The following PTBP3 variants were observed in gnomAD, a reference collection of about 807,000 sequenced individuals.
PTBP3 encodes polypyrimidine tract-binding protein 3.
In PTBP3, 20 loss-of-function variants were observed where a neutral mutation model predicts 58.7. The observed-to-expected ratio is 0.34, with a 90% CI of 0.24 to 0.50. The LOEUF is 0.50. Ranked by LOEUF, PTBP3 falls within the 20% of genes least tolerant of loss-of-function variation. PTBP3 has a pLI of 0.98. For missense variants in PTBP3, 509 were observed against 637.2 expected, an observed-to-expected ratio of 0.80 and a Z score of 2.17; for synonymous variants, 185 against 219.8, an observed-to-expected ratio of 0.84 and a Z score of 1.40.
the PTBP3 span, among the ~76,000 whole-genome samples, chr9:112,378,244 C>T: frequency 6.6e-6 from 1 of 152,204 alleles, no homozygotes; most frequent in Admixed American, 6.5e-5. Context: ...TGGATTTAAA[C>T]TTGCTTGGTA....
intron 1 of PTBP3, among the ~76,000 whole-genome samples, chr9:112,315,583 G>A (rs1311312425): frequency 1.3e-5 from 2 of 151,984 alleles, no homozygotes; most frequent in Non-Finnish European, 2.9e-5. Flanking sequence ...GTGACAAGGT[G>A]AAATCCTGTC....
the PTBP3 span, among the ~76,000 whole-genome samples, chr9:112,345,855 CT>C: frequency 2.4e-4 from 36 of 147,162 alleles, no homozygotes; most frequent in Admixed American, 4.1e-4. Flanking sequence ...GACAAATTTT[CT>C]TTTTTTTTTT....
chr9:112,231,983 A>AGAG lies in PTBP3; in HGVS notation c.1020+113_1020+115dup, dbSNP rs1835242105. ...AGAAGAGAAGAGAGAAGAGAAGAGA[A>AGAG]GAGAAGAGAAGAGAAGAGAAGAGAA... On this transcript the variant is annotated intron_variant, in intron 9 of 13. Transcript: ENST00000374257. The AGAG allele has an allele frequency of 1.0e-4, 47 of 460,402 alleles. 1 individual carries two copies. In the South Asian group the frequency reaches 1.1e-3, roughly 11 times the overall value. The allele number at this position is 460,402 out of a possible 1,614,324, so 28.5% of individuals were successfully genotyped here. A position where few individuals can be genotyped will look rare whatever the true frequency, so the allele number is the denominator to read the frequency against.
At chr9:112,287,410 G>A (rs1234314377) in intron 2 of PTBP3, among the ~76,000 whole-genome samples, 1 of 142,504 alleles carries the variant, frequency 7.0e-6, no homozygotes, top group African/African-American at 2.6e-5. Context: ...TACGATCTCG[G>A]CTCACTGCAA....
chr9:112,297,003 G>GGAT (rs1009887889), intron 2 of PTBP3, among the ~76,000 whole-genome samples: 2 of 151,940 alleles, frequency 1.3e-5, no homozygotes, highest in African/African-American at 4.8e-5. Context: ...TCCAAATAAA[G>GGAT]GATAATAATA....
chr9:112,243,920 CATAA>C (rs757897933), intron 7 of PTBP3, among the ~76,000 whole-genome samples: 23 of 152,224 alleles, frequency 1.5e-4, no homozygotes, highest in Admixed American at 7.8e-4. Context: ...TTACACAGCT[CATAA>C]ATAATAGGTC....
chr9:112,297,753 A>G (rs1828751150), intron 2 of PTBP3, 79 bp downstream of exon 2: 1 of 1,204,126 alleles, frequency 8.3e-7, no homozygotes, highest in Non-Finnish European at 1.2e-6. Context: ...TCAACATGAT[A>G]TAAGCAAAAT....
intron 1 of PTBP3, among the ~76,000 whole-genome samples, chr9:112,322,402 G>C (rs1161182591): frequency 6.6e-6 from 1 of 152,128 alleles, no homozygotes; most frequent in South Asian, 2.1e-4. Context: ...ACAGACACAG[G>C]CCTGGGGAAC....
chr9:112,230,467 GA>G (rs1216619341), intron 10 of PTBP3, among the ~76,000 whole-genome samples: 1 of 151,956 alleles, frequency 6.6e-6, no homozygotes, highest in African/African-American at 2.4e-5. Flanking sequence ...GATTTACGGG[GA>G]AAAAATCTAA....
At chr9:112,239,018 C>G (rs1835540393) in intron 7 of PTBP3, among the ~76,000 whole-genome samples, 1 of 151,908 alleles carries the variant, frequency 6.6e-6, no homozygotes, top group South Asian at 2.1e-4. Context: ...TTGTACAAAA[C>G]AATAATAACA....
At chr9:112,231,268 A>G in intron 10 of PTBP3, 112 bp downstream of exon 10, 2 of 749,176 alleles carry the variant, frequency 2.7e-6, no homozygotes, top group South Asian at 2.5e-5. Flanking sequence ...TTTTATCCTC[A>G]GTGTCAGCAC....
intron 2 of PTBP3, among the ~76,000 whole-genome samples, chr9:112,286,342 T>G (rs1828112850): frequency 6.6e-6 from 1 of 152,218 alleles, no homozygotes; most frequent in Non-Finnish European, 1.5e-5. Context: ...CTTGTCATTT[T>G]TTTTCTATTT....
At chr9:112,248,964 A>G (rs1043964718) in intron 7 of PTBP3, among the ~76,000 whole-genome samples, 3 of 152,250 alleles carry the variant, frequency 2.0e-5, no homozygotes, top group African/African-American at 4.8e-5. Context: ...ATGTATGAAT[A>G]TGGATGAATC....
chr9:112,338,934 C>T, the PTBP3 span, among the ~76,000 whole-genome samples: 3 of 152,260 alleles, frequency 2.0e-5, no homozygotes, highest in South Asian at 2.1e-4. Flanking sequence ...AATTTGCCAG[C>T]CCATGCCAAA....
At chr9:112,316,083 A>T (rs1205374157) in intron 1 of PTBP3, among the ~76,000 whole-genome samples, 1 of 152,158 alleles carries the variant, frequency 6.6e-6, no homozygotes, top group African/African-American at 2.4e-5. Context: ...AATAGACAGT[A>T]CTCTGGAACC....
intron 4 of PTBP3, 62 bp downstream of exon 4, chr9:112,267,987 G>A: frequency 6.8e-7 from 1 of 1,463,324 alleles, no homozygotes; most frequent in Non-Finnish European, 9.3e-7. Context: ...CATCTGTAAA[G>A]TATGTAAGTT....
chr9:112,223,644 T>C lies in PTBP3; in HGVS notation c.*207A>G, dbSNP rs1834876150. 7.8e-7 allele frequency: 1 copy of C among 1,274,530 alleles called. No individual in the cohort carries two copies. The highest frequency in any genetic ancestry group is 9.9e-7 in the Non-Finnish European group (1 of 1,007,932). The allele number at this position is 1,274,530 out of a possible 1,614,324, so 79.0% of individuals were successfully genotyped here. The stretch of plus-strand genomic sequence containing the variant: ...CTGAAGGTTATTTTTGTAGAAACCA[T>C]GGTAAAAAGGGAAAAGAAACCTTTG... On this transcript the variant is annotated 3_prime_UTR_variant, in exon 14 of 14. Coordinates refer to ENST00000374257, the MANE Select transcript of PTBP3 (RefSeq NM_001163788.4).
chr9:112,287,495 C>G (rs1828189860), intron 2 of PTBP3, among the ~76,000 whole-genome samples: 1 of 151,870 alleles, frequency 6.6e-6, no homozygotes, highest in African/African-American at 2.4e-5. Flanking sequence ...TGCACACCAC[C>G]ACGCCCGGCT....
intron 7 of PTBP3, among the ~76,000 whole-genome samples, chr9:112,235,121 T>C (rs1835392030): frequency 1.3e-5 from 2 of 152,200 alleles, no homozygotes; most frequent in Non-Finnish European, 2.9e-5. Context: ...AGTTTAGCTA[T>C]GATTTAGTTT....
Sources: allele counts gnomAD v4.1 joint callset (sites outside exome capture counted in the v4.1 genomes callset), GRCh38; gene constraint gnomAD v4.1.1; transcripts MANE v1.5; gene names NCBI Gene and HGNC (gene_info 2026-07-23, HGNC 2026-07-21).